Variants in PCDH15 observed in about 807,000 individuals in gnomAD.
The protein encoded by PCDH15 is protocadherin related 15, also known as protocadherin-15.
PCDH15 carries 129 observed loss-of-function variants against 178.5 expected under a neutral mutation model. The observed-to-expected ratio is 0.72, with a 90% CI of 0.63 to 0.84. PCDH15 has a LOEUF of 0.84. Among genes scored for constraint, PCDH15 ranks in the 40% least tolerant of loss-of-function variants. PCDH15 has a pLI of 0.00. For synonymous variants in PCDH15, 800 were observed against 732.0 expected, an observed-to-expected ratio of 1.09 and a Z score of -1.50; for missense variants, 2,230 against 2,099.9, an observed-to-expected ratio of 1.06 and a Z score of -1.21.
At chr10:54,111,072 A>C (rs1348795816) in intron 15 of PCDH15, among the ~76,000 whole-genome samples, 1 of 152,192 alleles carries the variant, frequency 6.6e-6, no homozygotes, top group Admixed American at 6.5e-5. Context: ...TTTATTGAGT[A>C]TACTTCACTA....
At chr10:53,960,841 G>A (rs2088223415) in intron 22 of PCDH15, among the ~76,000 whole-genome samples, 1 of 152,134 alleles carries the variant, frequency 6.6e-6, no homozygotes, top group Non-Finnish European at 1.5e-5. Context: ...TTTCCCTACT[G>A]TAGAGTCAAA....
chr10:54,472,938 C>A (rs2136723376), intron 3 of PCDH15, among the ~76,000 whole-genome samples: 1 of 152,224 alleles, frequency 6.6e-6, no homozygotes, highest in African/African-American at 2.4e-5. Flanking sequence ...ATAAACTCTT[C>A]TATAACCATT....
chr10:54,848,170 G>A (rs550688808), intron 3 of PCDH15, among the ~76,000 whole-genome samples: 176 of 152,066 alleles, frequency 1.2e-3, no homozygotes, highest in African/African-American at 4.1e-3. Flanking sequence ...CCTGAGGTCA[G>A]GAGTTTGAGA....
At chr10:54,258,718 T>C (rs2057095503) in intron 8 of PCDH15, among the ~76,000 whole-genome samples, 1 of 152,160 alleles carries the variant, frequency 6.6e-6, no homozygotes, top group South Asian at 2.1e-4. Flanking sequence ...ACAATAATAA[T>C]ATCCAACGTG....
At chr10:53,949,396 ATTATT>A (rs1168929227) in intron 23 of PCDH15, among the ~76,000 whole-genome samples, 2 of 152,248 alleles carry the variant, frequency 1.3e-5, no homozygotes, top group African/African-American at 4.8e-5. Context: ...TTTGTTTTAC[ATTATT>A]TTAATAGTCT....
At chr10:55,265,241 G>A (rs956763254) in intron 1 of PCDH15, among the ~76,000 whole-genome samples, 1 of 151,482 alleles carries the variant, frequency 6.6e-6, no homozygotes, top group African/African-American at 2.4e-5. Flanking sequence ...GGGGATCTTG[G>A]TAAGTTTCCG....
At chr10:55,381,736 T>C (rs1837537947) in intron 2 of PCDH15, among the ~76,000 whole-genome samples, 1 of 152,088 alleles carries the variant, frequency 6.6e-6, no homozygotes, top group Non-Finnish European at 1.5e-5. Context: ...CAGATGGTAT[T>C]GCCCCTGTGG....
intron 1 of PCDH15, among the ~76,000 whole-genome samples, chr10:55,172,075 T>G (rs779348357): frequency 6.6e-6 from 1 of 152,038 alleles, no homozygotes; most frequent in Non-Finnish European, 1.5e-5. Flanking sequence ...CTTATCTTTA[T>G]GTAAATCTAG....
chr10:54,645,160 T>C (rs1295421708), intron 2 of PCDH15, among the ~76,000 whole-genome samples: 1 of 152,164 alleles, frequency 6.6e-6, no homozygotes, highest in African/African-American at 2.4e-5. Flanking sequence ...ATGCATTTCT[T>C]GCTATTTTAA....
chr10:55,464,814 T>C (rs1273039454), intron 2 of PCDH15, among the ~76,000 whole-genome samples: 1 of 150,384 alleles, frequency 6.6e-6, no homozygotes, highest in Non-Finnish European at 1.5e-5. Flanking sequence ...TTAAGCACTT[T>C]ATTTCATTTT....
At chr10:54,454,091 A>G (rs1482684479) in intron 3 of PCDH15, among the ~76,000 whole-genome samples, 2 of 150,554 alleles carry the variant, frequency 1.3e-5, no homozygotes, top group Non-Finnish European at 3.0e-5. Context: ...AACATATAAC[A>G]GATTTATATA....
At chr10:54,637,239 G>T (rs2093877698) in intron 2 of PCDH15, among the ~76,000 whole-genome samples, 1 of 151,400 alleles carries the variant, frequency 6.6e-6, no homozygotes, top group African/African-American at 2.4e-5. Flanking sequence ...GAGTTTTCTT[G>T]TCAGTATCCC....
intron 1 of PCDH15, among the ~76,000 whole-genome samples, chr10:54,762,963 C>T (rs959602013): frequency 9.2e-5 from 14 of 152,072 alleles, no homozygotes; most frequent in African/African-American, 3.4e-4. Flanking sequence ...GCTTTTAAAG[C>T]ATAAGTTTGT....
rs1839326808 is a variant in PCDH15 at position 55,171,331 on chromosome 10, T to C, written c.-155-4680A>G. ...AGCTTAGGCCTAAATGATGCATTCA[T>C]ACACATGAAGCCTCAAAGTTAAAAT... On this transcript the variant is annotated intron_variant, in intron 1 of 5. Coordinates refer to the PCDH15 transcript ENST00000458638. 2.0e-5 allele frequency among the ~76,000 whole-genome samples: 3 copies of C among 152,222 alleles called. No individual in the cohort carries two copies. In the South Asian group the frequency reaches 6.2e-4, roughly 32 times the overall value.
chr10:55,126,906 C>CA (rs67392937), intron 2 of PCDH15, among the ~76,000 whole-genome samples: 22 of 150,494 alleles, frequency 1.5e-4, no homozygotes, highest in South Asian at 1.3e-3. Context: ...TCTGGATTTG[C>CA]AAAAAAAAAA....
chr10:54,798,057 T>C (rs902416469), intron 1 of PCDH15, among the ~76,000 whole-genome samples: 8 of 152,082 alleles, frequency 5.3e-5, no homozygotes, highest in East Asian at 1.9e-4. Context: ...CTTGTCACCA[T>C]TTCAACCTAA....
intron 8 of PCDH15, among the ~76,000 whole-genome samples, chr10:54,307,092 A>ATATATG (rs58951263): frequency 5.4e-5 from 1 of 18,374 alleles, no homozygotes; most frequent in Non-Finnish European, 8.0e-5. Context: ...ATATATATAT[A>ATATATG]TGTGTGTGTG....
intron 1 of PCDH15, among the ~76,000 whole-genome samples, chr10:54,750,393 A>G (rs1251409873): frequency 6.6e-6 from 1 of 152,116 alleles, no homozygotes; most frequent in Admixed American, 6.5e-5. Flanking sequence ...ACTCTAGTCA[A>G]CTAACCAAAG....
At chr10:55,240,939 G>T (rs538523364) in intron 1 of PCDH15, among the ~76,000 whole-genome samples, 1 of 152,126 alleles carries the variant, frequency 6.6e-6, no homozygotes, top group Non-Finnish European at 1.5e-5. Context: ...TTTTAAGACC[G>T]GGCACGGTGG....
Sources: gnomAD v4.1 joint callset for allele counts (sites outside exome capture counted in the v4.1 genomes callset) on GRCh38, gnomAD v4.1.1 for gene constraint, MANE v1.5 for transcripts, NCBI Gene and HGNC (gene_info 2026-07-23, HGNC 2026-07-21) for gene names.